The following ZC3H12B variants were observed in gnomAD, a reference collection of about 807,000 sequenced individuals.
The protein encoded by ZC3H12B is probable ribonuclease ZC3H12B.
A neutral mutation model predicts 43.9 loss-of-function variants in ZC3H12B; 7 were observed. The ratio of observed to expected loss-of-function variants is 0.16; its 90% confidence interval spans 0.09 to 0.30. ZC3H12B has a LOEUF of 0.30. Among genes scored for constraint, ZC3H12B ranks in the 10% least tolerant of loss-of-function variants. The probability of loss-of-function intolerance (pLI) is 1.00; values close to 1 mark genes in which losing one functional copy is unlikely to be tolerated. For synonymous variants in ZC3H12B, 222 were observed against 241.7 expected (o/e 0.92, Z 0.76); for missense variants, 475 against 670.2 (o/e 0.71, Z 3.22).
chrX:65,489,373 G>C, exon 1 of ZC3H12B: 1 of 1,204,649 alleles, frequency 8.3e-7, no homozygotes, highest in Non-Finnish European at 1.1e-6. Context: ...GACAATTTGA[G>C]GCCAGTTGTC....
the ZC3H12B span, among the ~76,000 whole-genome samples, chrX:65,255,844 T>C: frequency 1.8e-5 from 2 of 112,030 alleles, no homozygotes; most frequent in Non-Finnish European, 3.8e-5. Context: ...TGGAGAAAAA[T>C]CTATGAAATG....
At chrX:65,221,663 G>A in the ZC3H12B span, among the ~76,000 whole-genome samples, 1 of 109,733 alleles carries the variant, frequency 9.1e-6, no homozygotes, top group African/African-American at 3.3e-5. Context: ...ACTCTGAACA[G>A]ATCAATAACA....
Position 65,473,000 on chromosome X carries a change from A to ATATATG in ZC3H12B, n.408-15641_408-15640insGTATAT, listed in dbSNP as rs1556258868. 6.2e-3 allele frequency among the ~76,000 whole-genome samples: 489 copies of ATATATG among 78,566 alleles called. 9 individuals are homozygous for ATATATG. Among genetic ancestry groups the ATATATG allele is most frequent in the African/African-American group, 0.035 (460 of 13,151 alleles). The allele number at this position is 78,566 out of a possible 115,157, so 68.2% of individuals were successfully genotyped here. A position where few individuals can be genotyped will look rare whatever the true frequency, so the allele number is the denominator to read the frequency against. ...TGTATATATATATATATATATATGT[A>ATATATG]TATATATATATATATATCTGTTTGT... On this transcript the variant is annotated intron_variant and non_coding_transcript_variant, in intron 3 of 5. Transcript: ENST00000617377.
At chrX:65,251,376 C>T in the ZC3H12B span, among the ~76,000 whole-genome samples, 51 of 111,566 alleles carry the variant, frequency 4.6e-4, no homozygotes, top group Non-Finnish European at 9.4e-5. Flanking sequence ...TAGCGTGATG[C>T]CTCCAGCTTT....
At chrX:65,227,027 C>T in the ZC3H12B span, among the ~76,000 whole-genome samples, 5 of 111,068 alleles carry the variant, frequency 4.5e-5, no homozygotes, top group Middle Eastern at 4.6e-3. Context: ...CTGCACCAAG[C>T]GGACCTAATA....
At chrX:65,421,920 C>T (rs1280733127) in intron 3 of ZC3H12B, among the ~76,000 whole-genome samples, 1 of 106,002 alleles carries the variant, frequency 9.4e-6, no homozygotes, top group Non-Finnish European at 1.9e-5. Context: ...TGCACTCCAG[C>T]CTGGGCGACA....
intron 3 of ZC3H12B, among the ~76,000 whole-genome samples, chrX:65,471,639 C>T (rs1225896401): frequency 2.8e-5 from 3 of 108,474 alleles, no homozygotes; most frequent in African/African-American, 6.7e-5. Context: ...TTAGTAGAGA[C>T]GGGGTTTCAC....
the ZC3H12B span, among the ~76,000 whole-genome samples, chrX:65,361,156 C>T: frequency 8.9e-6 from 1 of 111,831 alleles, no homozygotes; most frequent in Non-Finnish European, 1.9e-5. Flanking sequence ...TTAAAGAAAG[C>T]CATAGCCTTA....
the ZC3H12B span, among the ~76,000 whole-genome samples, chrX:65,086,104 T>C: frequency 1.8e-5 from 2 of 109,024 alleles, no homozygotes; most frequent in African/African-American, 6.7e-5. Context: ...CATTTATCTG[T>C]CATGTCTTTT....
chrX:65,492,964 G>A (rs868093524), intron 1 of ZC3H12B, among the ~76,000 whole-genome samples: 2 of 110,538 alleles, frequency 1.8e-5, no homozygotes, highest in Middle Eastern at 4.7e-3. Context: ...ATAACCCAGC[G>A]TGGGGGTTCA....
At chrX:65,361,189 G>A in the ZC3H12B span, among the ~76,000 whole-genome samples, 9 of 111,852 alleles carry the variant, frequency 8.0e-5, no homozygotes, top group East Asian at 2.5e-3. Context: ...TAAGTCCTTA[G>A]CTAATAACTG....
chrX:65,434,006 G>A (rs1206248507), intron 3 of ZC3H12B, among the ~76,000 whole-genome samples: 2 of 111,645 alleles, frequency 1.8e-5, no homozygotes, highest in South Asian at 7.5e-4. Context: ...TACCATGATC[G>A]ATGCCATAGA....
the ZC3H12B span, among the ~76,000 whole-genome samples, chrX:65,188,234 C>G: frequency 9.0e-6 from 1 of 111,426 alleles, no homozygotes; most frequent in East Asian, 2.8e-4. Context: ...GTTGCTTCCA[C>G]ATTTTGGCTA....
chrX:65,383,957 G>T (rs868513160), intron 2 of ZC3H12B, among the ~76,000 whole-genome samples: 95 of 95,248 alleles, frequency 1.0e-3, no homozygotes, highest in African/African-American at 3.2e-3. Context: ...GGAAGTCAGT[G>T]TGGCGATTCC....
chrX:65,056,543 G>A, the ZC3H12B span, among the ~76,000 whole-genome samples: 1 of 111,689 alleles, frequency 9.0e-6, no homozygotes, highest in Non-Finnish European at 1.9e-5. Flanking sequence ...GTGCAGTGTG[G>A]TGCTGAGAAG....
chrX:65,319,604 G>A, the ZC3H12B span, among the ~76,000 whole-genome samples: 5 of 110,819 alleles, frequency 4.5e-5, no homozygotes, highest in African/African-American at 1.3e-4. Context: ...CCAAAACCTG[G>A]CAGAGACACA....
At chrX:65,111,550 T>TTTA in the ZC3H12B span, among the ~76,000 whole-genome samples, 3 of 86,927 alleles carry the variant, frequency 3.5e-5, no homozygotes, top group African/African-American at 3.7e-4. Context: ...TTTTTATTTT[T>TTTA]TTATTATTTT....
intron 3 of ZC3H12B, among the ~76,000 whole-genome samples, chrX:65,462,353 A>C (rs1202729543): frequency 9.0e-6 from 1 of 110,717 alleles, no homozygotes; most frequent in South Asian, 3.8e-4. Flanking sequence ...TCTACTAAAA[A>C]ATACAAAACT....
intron 3 of ZC3H12B, among the ~76,000 whole-genome samples, chrX:65,404,904 T>A (rs1420054358): frequency 1.8e-5 from 2 of 112,449 alleles, no homozygotes; most frequent in African/African-American, 6.5e-5. Flanking sequence ...AGAATACACA[T>A]TCTTTTCTTC....
Sources: allele counts gnomAD v4.1 joint callset (sites outside exome capture counted in the v4.1 genomes callset), GRCh38; gene constraint gnomAD v4.1.1; transcripts MANE v1.5; gene names NCBI Gene and HGNC (gene_info 2026-07-23, HGNC 2026-07-21).